DPP6: variants seen among roughly 807,000 people sequenced by gnomAD.
The protein encoded by DPP6 is A-type potassium channel modulatory protein DPP6.
DPP6 carries 69 observed loss-of-function variants against 122.6 expected under a neutral mutation model. The observed-to-expected ratio is 0.56, with a 90% CI of 0.46 to 0.69. The LOEUF (loss-of-function observed/expected upper bound fraction) is 0.69. DPP6 is among the 30% of genes least tolerant of loss of function. DPP6 has a pLI of 0.00. For missense variants in DPP6, 928 were observed against 1,116.9 expected (o/e 0.83, Z 2.41); for synonymous variants, 418 against 433.1 (o/e 0.97, Z 0.43).
chr7:154,598,315 A>G (rs1833224379), intron 5 of DPP6, among the ~76,000 whole-genome samples: 1 of 152,242 alleles, frequency 6.6e-6, no homozygotes, highest in Admixed American at 6.5e-5. Flanking sequence ...TTGGAAGGTA[A>G]AAAAGACAAT....
chr7:153,894,406 C>T (rs1374077071), intron 1 of DPP6, among the ~76,000 whole-genome samples: 1 of 152,174 alleles, frequency 6.6e-6, no homozygotes, highest in East Asian at 1.9e-4. Context: ...CTTGAACATA[C>T]TAAGCTCAGA....
intron 1 of DPP6, among the ~76,000 whole-genome samples, chr7:154,074,055 A>ATCTATG (rs1229612571): frequency 0.047 from 6,323 of 133,970 alleles, 1 homozygote; most frequent in East Asian, 0.069. Flanking sequence ...ATCTATCTAT[A>ATCTATG]TATCTCCATA....
chr7:154,476,528 A>G (rs1364482831), intron 3 of DPP6, among the ~76,000 whole-genome samples: 2 of 152,216 alleles, frequency 1.3e-5, no homozygotes, highest in Non-Finnish European at 2.9e-5. Context: ...AGACGTATCT[A>G]TGAGCAGCCA....
intron 22 of DPP6, among the ~76,000 whole-genome samples, chr7:154,885,991 C>T (rs371163216): frequency 5.9e-5 from 9 of 152,338 alleles, no homozygotes; most frequent in East Asian, 1.9e-4. Context: ...ATGAAGACCA[C>T]GAGTTGGAAA....
chr7:153,998,664 A>G (rs1355650707), intron 1 of DPP6, among the ~76,000 whole-genome samples: 2 of 152,188 alleles, frequency 1.3e-5, no homozygotes, highest in African/African-American at 4.8e-5. Flanking sequence ...ATTTTTCTTC[A>G]TGGTATTTAT....
At chr7:154,375,381 C>T (rs1193148845) in intron 1 of DPP6, among the ~76,000 whole-genome samples, 1 of 152,128 alleles carries the variant, frequency 6.6e-6, no homozygotes, top group Non-Finnish European at 1.5e-5. Context: ...CCCGGAAAGG[C>T]ACCATGGCTG....
At chr7:154,588,916 A>T (rs1332725661) in intron 5 of DPP6, among the ~76,000 whole-genome samples, 1 of 152,226 alleles carries the variant, frequency 6.6e-6, no homozygotes, top group African/African-American at 2.4e-5. Flanking sequence ...CTGGATGCTA[A>T]AAACTGTGCC....
the DPP6 span, among the ~76,000 whole-genome samples, chr7:153,873,608 C>T: frequency 2.1e-3 from 324 of 152,248 alleles, no homozygotes; most frequent in Non-Finnish European, 3.9e-3. Flanking sequence ...GGTTTATTCT[C>T]GACAGGAAAG....
chr7:154,637,961 CGGGAAAT>C, intron 6 of DPP6, 88 bp downstream of exon 6: 1 of 1,396,714 alleles, frequency 7.2e-7, no homozygotes, highest in South Asian at 1.4e-5. Flanking sequence ...ACCCTTAGGG[CGGGAAAT>C]GGCGTTCCAG....
At chr7:154,751,471 G>C (rs138807655) in intron 8 of DPP6, among the ~76,000 whole-genome samples, 15 of 151,350 alleles carry the variant, frequency 9.9e-5, no homozygotes, top group Non-Finnish European at 1.9e-4. Context: ...TTAGTCGGGC[G>C]TGGTGGTGGG....
At position 154,880,817 on chromosome 7, in the gene DPP6, T is replaced by A. The variant is rs377191241; in HGVS notation, c.2079-71T>A. ...CCTTGAAATGGATGGAAAACATGGCTCTGGGCTACAGGAAGACAAAGTGGC... is the reference window on the plus strand; with the variant it reads ...CCTTGAAATGGATGGAAAACATGGCACTGGGCTACAGGAAGACAAAGTGGC... On this transcript the variant is annotated intron_variant, in intron 20 of 25. Coordinates refer to ENST00000377770, the MANE Select transcript of DPP6 (RefSeq NM_130797.4). The A allele has an allele frequency of 2.3e-4, 371 of 1,613,716 alleles. 2 individuals carry two copies. The African/African-American group carries it at 3.4e-3, about 15-fold the overall frequency.
intron 3 of DPP6, among the ~76,000 whole-genome samples, chr7:154,528,644 C>T (rs774969047): frequency 4.6e-5 from 7 of 152,098 alleles, no homozygotes; most frequent in Admixed American, 2.0e-4. Flanking sequence ...TCTTCTCTGG[C>T]GAATCATGTA....
chr7:153,851,105 T>C, the DPP6 span, among the ~76,000 whole-genome samples: 1 of 152,232 alleles, frequency 6.6e-6, no homozygotes, highest in Admixed American at 6.5e-5. Flanking sequence ...CTGATCAGAT[T>C]ATATATTCTT....
intron 7 of DPP6, among the ~76,000 whole-genome samples, chr7:154,703,841 G>A (rs1840671026): frequency 6.6e-6 from 1 of 152,018 alleles, no homozygotes; most frequent in Non-Finnish European, 1.5e-5. Flanking sequence ...GGGGGCTGAG[G>A]CAGGAGAATG....
At chr7:154,593,277 A>G (rs1832909398) in intron 5 of DPP6, among the ~76,000 whole-genome samples, 1 of 152,228 alleles carries the variant, frequency 6.6e-6, no homozygotes, top group South Asian at 2.1e-4. Context: ...CCTTGGTAGG[A>G]GGAGGCAGAA....
chr7:154,149,974 C>T (rs1192855497), intron 1 of DPP6, among the ~76,000 whole-genome samples: 1 of 152,032 alleles, frequency 6.6e-6, no homozygotes, highest in Non-Finnish European at 1.5e-5. Context: ...CTCATTGTTA[C>T]AATATGATTT....
At chr7:153,877,050 T>C in the DPP6 span, among the ~76,000 whole-genome samples, 1 of 152,032 alleles carries the variant, frequency 6.6e-6, no homozygotes, top group African/African-American at 2.4e-5. Flanking sequence ...AGGACATTAC[T>C]GTACACTACT....
intron 15 of DPP6, among the ~76,000 whole-genome samples, chr7:154,806,415 C>A (rs1587201600): frequency 6.6e-6 from 1 of 152,204 alleles, no homozygotes; most frequent in East Asian, 1.9e-4. Context: ...CAGGTAACAT[C>A]TTCAAGCCAG....
intron 1 of DPP6, among the ~76,000 whole-genome samples, chr7:154,142,548 T>A (rs1795900030): frequency 6.6e-6 from 1 of 152,192 alleles, no homozygotes; most frequent in South Asian, 2.1e-4. Flanking sequence ...ATCCCATCTT[T>A]AAGATACAGT....
Sources: gnomAD v4.1 joint callset for allele counts (sites outside exome capture counted in the v4.1 genomes callset) on GRCh38, gnomAD v4.1.1 for gene constraint, MANE v1.5 for transcripts, NCBI Gene and HGNC (gene_info 2026-07-23, HGNC 2026-07-21) for gene names.